AKAP7: variants seen among roughly 807,000 people sequenced by gnomAD.
AKAP7 encodes the protein A kinase (PRKA) anchor protein 7.
AKAP7 carries 39 observed loss-of-function variants against 39.5 expected under a neutral mutation model. The ratio of observed to expected loss-of-function variants is 0.99; its 90% confidence interval spans 0.76 to 1.29. The LOEUF is 1.29. Among genes scored for constraint, AKAP7 ranks in the 50% most tolerant of loss-of-function variants. AKAP7 has a pLI of 0.00. For synonymous variants in AKAP7, 140 were observed against 139.1 expected, an observed-to-expected ratio of 1.01 and a Z score of -0.05; for missense variants, 414 against 407.7, an observed-to-expected ratio of 1.02 and a Z score of -0.13.
chr6:131,214,469 T>C (rs1808960191), intron 6 of AKAP7, among the ~76,000 whole-genome samples: 2 of 152,172 alleles, frequency 1.3e-5, no homozygotes, highest in Admixed American at 6.5e-5. Context: ...AAATTAAGAA[T>C]TGAGAAATAT....
intron 7 of AKAP7, among the ~76,000 whole-genome samples, chr6:131,261,064 C>G (rs1189994592): frequency 6.6e-6 from 1 of 152,046 alleles, no homozygotes; most frequent in Non-Finnish European, 1.5e-5. Context: ...GGCGTAGTGG[C>G]ACATGCCTGT....
At chr6:131,247,327 T>C (rs1399092517) in intron 7 of AKAP7, among the ~76,000 whole-genome samples, 7 of 123,196 alleles carry the variant, frequency 5.7e-5, no homozygotes, top group African/African-American at 2.2e-4. Flanking sequence ...TTTTTTTTTC[T>C]TTTTTTTTTT....
intron 7 of AKAP7, among the ~76,000 whole-genome samples, chr6:131,273,978 C>A (rs764533439): frequency 1.4e-5 from 2 of 144,022 alleles, no homozygotes; most frequent in South Asian, 2.2e-4. Flanking sequence ...CTCGCACTGT[C>A]GCCCAGGCTG....
At chr6:131,240,716 A>T (rs1292732678) in intron 7 of AKAP7, among the ~76,000 whole-genome samples, 1 of 152,184 alleles carries the variant, frequency 6.6e-6, no homozygotes, top group Non-Finnish European at 1.5e-5. Context: ...CAGGCGCAGG[A>T]TATAATCTCC....
rs554558998 is a variant in AKAP7 at position 131,174,461 on chromosome 6, C to CT, written c.589+5190dup. On this transcript the variant is annotated intron_variant, in intron 5 of 7. Transcript: ENST00000431975. ...GAATGCCTCAGGCTGGGCACACTGG[C>CT]TTGCGCCGATAATCCCAGCCACTCA... 3.5e-4 allele frequency among the ~76,000 whole-genome samples: 53 copies of CT among 152,358 alleles called. No homozygotes were observed. In the South Asian group the frequency reaches 8.7e-3, roughly 25 times the overall value.
chr6:131,164,502 C>T (rs553921748), intron 3 of AKAP7: 2 of 452,580 alleles, frequency 4.4e-6, no homozygotes, highest in South Asian at 1.6e-5. Flanking sequence ...GACTTCTTTG[C>T]AACTCTTCAT....
intron 5 of AKAP7, among the ~76,000 whole-genome samples, chr6:131,186,796 C>G (rs1805908182): frequency 6.8e-6 from 1 of 147,100 alleles, no homozygotes; most frequent in Non-Finnish European, 1.5e-5. Flanking sequence ...GACAGTAATC[C>G]CATTAATGAA....
chr6:131,265,035 A>G (rs891756248), intron 7 of AKAP7, among the ~76,000 whole-genome samples: 5 of 152,236 alleles, frequency 3.3e-5, no homozygotes, highest in Non-Finnish European at 7.3e-5. Context: ...ATTATATTCC[A>G]ATATGAGATT....
At chr6:131,240,170 C>T (rs1227227724) in intron 7 of AKAP7, among the ~76,000 whole-genome samples, 13 of 152,220 alleles carry the variant, frequency 8.5e-5, no homozygotes, top group Admixed American at 5.9e-4. Flanking sequence ...GCTGGAGGTC[C>T]ACTCCAGACC....
intron 5 of AKAP7, among the ~76,000 whole-genome samples, chr6:131,198,703 C>T (rs1807208685): frequency 6.6e-6 from 1 of 152,156 alleles, no homozygotes; most frequent in African/African-American, 2.4e-5. Context: ...CTTGGACACT[C>T]AAGGATATAA....
chr6:131,223,576 CA>C (rs1809891137), intron 7 of AKAP7, among the ~76,000 whole-genome samples: 1 of 152,002 alleles, frequency 6.6e-6, no homozygotes, highest in African/African-American at 2.4e-5. Flanking sequence ...GTCTTCCATC[CA>C]AGTTTTGATG....
At chr6:131,186,133 G>A (rs1805831270) in intron 5 of AKAP7, among the ~76,000 whole-genome samples, 1 of 152,178 alleles carries the variant, frequency 6.6e-6, no homozygotes, top group South Asian at 2.1e-4. Context: ...AATCCCCAGT[G>A]TTGGAGGTGG....
At chr6:131,180,105 C>A (rs935144598) in intron 5 of AKAP7, among the ~76,000 whole-genome samples, 1 of 152,212 alleles carries the variant, frequency 6.6e-6, no homozygotes, top group Non-Finnish European at 1.5e-5. Flanking sequence ...TAACCTTCTA[C>A]CCCTCTCTCA....
chr6:131,149,486 T>A (rs1801740968), intron 2 of AKAP7, among the ~76,000 whole-genome samples: 1 of 152,014 alleles, frequency 6.6e-6, no homozygotes, highest in African/African-American at 2.4e-5. Flanking sequence ...AATACAAAAA[T>A]TAGCGGGGCA....
At chr6:131,164,379 A>G (rs899394950) in intron 3 of AKAP7, 3 of 455,252 alleles carry the variant, frequency 6.6e-6, no homozygotes, top group African/African-American at 4.0e-5. Flanking sequence ...AAGATGCATC[A>G]TTCCTCTCCC....
the AKAP7 span, among the ~76,000 whole-genome samples, chr6:131,128,072 C>A: frequency 6.6e-6 from 1 of 152,120 alleles, no homozygotes; most frequent in South Asian, 2.1e-4. Context: ...AGTAACTAGC[C>A]TCCTATCAAG....
At chr6:131,134,788 C>T (rs1192631864), upstream of AKAP7, among the ~76,000 whole-genome samples, 1 of 152,170 alleles carries the variant, frequency 6.6e-6, no homozygotes, top group Non-Finnish European at 1.5e-5. Flanking sequence ...TCAACATAAG[C>T]GAAGTGTTAT....
chr6:131,214,234 G>A (rs1808941293), intron 6 of AKAP7, among the ~76,000 whole-genome samples: 1 of 152,198 alleles, frequency 6.6e-6, no homozygotes, highest in Non-Finnish European at 1.5e-5. Context: ...GATTTAAAAT[G>A]TGTAGCTCTA....
chr6:131,234,896 T>A (rs1309859626), intron 7 of AKAP7, among the ~76,000 whole-genome samples: 1 of 151,848 alleles, frequency 6.6e-6, no homozygotes. Context: ...TATTTTATTT[T>A]TTTATTATTA....
Sources: gnomAD v4.1 joint callset for allele counts (sites outside exome capture counted in the v4.1 genomes callset) on GRCh38, gnomAD v4.1.1 for gene constraint, MANE v1.5 for transcripts, NCBI Gene and HGNC (gene_info 2026-07-23, HGNC 2026-07-21) for gene names.